TRIM2: variants seen among roughly 807,000 people sequenced by gnomAD.
TRIM2 encodes tripartite motif-containing protein 2.
TRIM2 carries 20 observed loss-of-function variants against 75.2 expected under a neutral mutation model. The ratio of observed to expected loss-of-function variants is 0.27; its 90% CI spans 0.19 to 0.39. The LOEUF (loss-of-function observed/expected upper bound fraction) is 0.39, where lower values mean the gene tolerates loss of function less well. Among genes scored for constraint, TRIM2 ranks in the 10% least tolerant of loss-of-function variants. The pLI is 1.00. For missense variants in TRIM2, 660 were observed against 990.8 expected (o/e 0.67, Z 4.48); for synonymous variants, 373 against 388.3 (o/e 0.96, Z 0.46).
intron 1 of TRIM2, among the ~76,000 whole-genome samples, chr4:153,160,774 AT>A (rs1319576169): frequency 2.6e-5 from 4 of 151,978 alleles, no homozygotes; most frequent in Non-Finnish European, 4.4e-5. Context: ...TTTAAAATTT[AT>A]TTTTTTCATA....
At chr4:153,207,850 A>G (rs1201824051) in intron 1 of TRIM2, among the ~76,000 whole-genome samples, 2 of 152,192 alleles carry the variant, frequency 1.3e-5, no homozygotes, top group South Asian at 2.1e-4. Context: ...GCTTCTGTCT[A>G]TGACTTTAGA....
At chr4:153,187,298 C>T (rs1218343945) in intron 1 of TRIM2, among the ~76,000 whole-genome samples, 3 of 152,128 alleles carry the variant, frequency 2.0e-5, no homozygotes, top group African/African-American at 7.2e-5. Flanking sequence ...GTAAGTCCAC[C>T]GTCAAGGACT....
intron 1 of TRIM2, among the ~76,000 whole-genome samples, chr4:153,163,274 C>A (rs550775177): frequency 1.6e-3 from 243 of 152,230 alleles, no homozygotes; most frequent in African/African-American, 5.3e-3. Flanking sequence ...CAGCCTCCAA[C>A]TCCTGGGCTC....
Position 153,337,045 on chromosome 4 carries a change from A to T in TRIM2, c.*2079A>T. ...AAATACAGTGATGGACAAAACAGGT[A>T]AAAAATCGCTGCCCCCTCAGAGCTG... On this transcript the variant is annotated 3_prime_UTR_variant, in exon 12 of 12. Transcript: ENST00000338700. 4 of 984,232 alleles carry T rather than the reference A, an allele frequency of 4.1e-6. No individual in the cohort carries two copies. Among genetic ancestry groups the T allele is most frequent in the Non-Finnish European group, 3.6e-6 (3 of 828,850 alleles). The allele number at this position is 984,232 out of a possible 1,614,324, so 61.0% of individuals were successfully genotyped here.
chr4:153,244,703 GAA>G (rs890234036), intron 1 of TRIM2, among the ~76,000 whole-genome samples: 3 of 152,004 alleles, frequency 2.0e-5, no homozygotes, highest in Admixed American at 1.3e-4. Flanking sequence ...TATTATTAGA[GAA>G]AGAATTTCTG....
chr4:153,197,355 C>A (rs1733880013), intron 1 of TRIM2, among the ~76,000 whole-genome samples: 2 of 152,110 alleles, frequency 1.3e-5, no homozygotes, highest in South Asian at 4.1e-4. Context: ...AAGATTGCAG[C>A]TTTCATTCCT....
chr4:153,337,148 G>A lies in TRIM2; in HGVS notation c.*2182G>A, dbSNP rs1772546961. On this transcript the variant is annotated 3_prime_UTR_variant, in exon 12 of 12. Transcript: ENST00000338700. ...GACAGGCTAGACTCTTGTCTAGATT[G>A]TTTAAAAGAAACTTTTCAAATTGGT... 3.0e-6 allele frequency: 3 copies of A among 985,332 alleles called. No individual in the cohort carries two copies. The African/African-American group carries it at 5.2e-5, about 17-fold the overall frequency. 61.0% of individuals were successfully genotyped at this position (985,332 alleles called of 1,614,324 possible).
intron 1 of TRIM2, among the ~76,000 whole-genome samples, chr4:153,162,550 G>A (rs149430464): frequency 6.6e-6 from 1 of 152,302 alleles, no homozygotes. Flanking sequence ...CTTCTTTACT[G>A]ATGAAAACGC....
intron 1 of TRIM2, among the ~76,000 whole-genome samples, chr4:153,197,415 C>G (rs957956834): frequency 2.6e-5 from 4 of 152,138 alleles, no homozygotes; most frequent in Non-Finnish European, 4.4e-5. Context: ...GTCTAGCTCC[C>G]CTCTTTATCA....
In TRIM2 at chr4:153,336,274, G is replaced by A. The variant is rs1282414336; in HGVS notation, c.*1308G>A. Reference sequence around the variant, plus strand: ...CCGTCCTAGTGGAGCAAGCCCTAAAGCAGATTTAATTTTTGCCATTTTCCA... The same window carrying A: ...CCGTCCTAGTGGAGCAAGCCCTAAAACAGATTTAATTTTTGCCATTTTCCA... On this transcript the variant is annotated 3_prime_UTR_variant, in exon 12 of 12. Coordinates refer to ENST00000338700, the MANE Select transcript of TRIM2 (RefSeq NM_015271.5). The A allele has an allele frequency of 2.0e-6, 2 of 984,622 alleles. No homozygotes were observed. The highest frequency in any genetic ancestry group is 2.4e-6 in the Non-Finnish European group (2 of 829,814). The allele number at this position is 984,622 out of a possible 1,614,324, so 61.0% of individuals were successfully genotyped here.
intron 1 of TRIM2, among the ~76,000 whole-genome samples, chr4:153,269,490 A>G (rs1013053309): frequency 6.6e-6 from 1 of 152,256 alleles, no homozygotes. Flanking sequence ...GGGGAAGGGC[A>G]GAGAGGTCCT....
At position 153,290,871 on chromosome 4, in the gene TRIM2, C is replaced by T. The variant is rs186617513; in HGVS notation, c.454-2111C>T. Reference sequence around the variant, plus strand: ...CTCAAACCCCTGGCCTCAAGTGATCCTCCCACCTTGGCCTTCCAAAGTGCT... The same window carrying T: ...CTCAAACCCCTGGCCTCAAGTGATCTTCCCACCTTGGCCTTCCAAAGTGCT... On this transcript the variant is annotated intron_variant, in intron 3 of 11. Transcript: ENST00000338700. Among the ~76,000 whole-genome samples the T allele has an allele frequency of 3.8e-3, 585 of 152,298 alleles. 5 individuals are homozygous for T. The highest frequency in any genetic ancestry group is 6.5e-3 in the Non-Finnish European group (440 of 68,016).
chr4:153,271,205 TCTTA>T (rs746343063), intron 2 of TRIM2, among the ~76,000 whole-genome samples: 1 of 152,182 alleles, frequency 6.6e-6, no homozygotes, highest in Non-Finnish European at 1.5e-5. Context: ...AATTAGTTTA[TCTTA>T]CTTATAAATA....
chr4:153,269,155 C>T (rs1403874557), intron 1 of TRIM2, among the ~76,000 whole-genome samples: 1 of 152,132 alleles, frequency 6.6e-6, no homozygotes. Flanking sequence ...AAAAGGCATA[C>T]ACTTTTTTTG....
At chr4:153,285,249 G>A (rs774734187) in intron 3 of TRIM2, among the ~76,000 whole-genome samples, 1 of 152,146 alleles carries the variant, frequency 6.6e-6, no homozygotes, top group South Asian at 2.1e-4. Context: ...GACCATGGAT[G>A]TATGGGCTTC....
At chr4:153,156,280 C>T (rs1054477980) in intron 1 of TRIM2, among the ~76,000 whole-genome samples, 2 of 152,140 alleles carry the variant, frequency 1.3e-5, no homozygotes, top group Non-Finnish European at 2.9e-5. Flanking sequence ...CTCTTGGCCT[C>T]AGTCTTTTTA....
intron 1 of TRIM2, among the ~76,000 whole-genome samples, chr4:153,166,447 C>T (rs949568354): frequency 1.3e-5 from 2 of 152,032 alleles, no homozygotes; most frequent in Admixed American, 1.3e-4. Flanking sequence ...TTTGGGTGAT[C>T]CCAAAAGGCA....
intron 1 of TRIM2, among the ~76,000 whole-genome samples, chr4:153,178,478 G>A (rs1301588742): frequency 1.3e-5 from 2 of 152,200 alleles, no homozygotes; most frequent in African/African-American, 4.8e-5. Context: ...GTGCCTTCTG[G>A]CTGCCTCCTG....
chr4:153,175,895 G>A (rs1448496155), intron 1 of TRIM2, among the ~76,000 whole-genome samples: 1 of 152,000 alleles, frequency 6.6e-6, no homozygotes, highest in Non-Finnish European at 1.5e-5. Context: ...CAGAGTAAAG[G>A]GGCCGCCGAG....
Sources: gnomAD v4.1 joint callset for allele counts (sites outside exome capture counted in the v4.1 genomes callset) on GRCh38, gnomAD v4.1.1 for gene constraint, MANE v1.5 for transcripts, NCBI Gene and HGNC (gene_info 2026-07-23, HGNC 2026-07-21) for gene names.